The following IL23R variants were observed in gnomAD, a reference collection of about 807,000 sequenced individuals.
IL23R encodes the protein interleukin-23 receptor.
IL23R carries 34 observed loss-of-function variants against 56.9 expected under a neutral mutation model. The ratio of observed to expected loss-of-function variants is 0.60; its 90% CI spans 0.45 to 0.80. The LOEUF (loss-of-function observed/expected upper bound fraction) is 0.80, where lower values mean the gene tolerates loss of function less well. Among genes scored for constraint, IL23R ranks in the 30% least tolerant of loss-of-function variants. IL23R has a pLI of 0.00. For synonymous variants in IL23R, 230 were observed against 249.2 expected, an observed-to-expected ratio of 0.92 and a Z score of 0.73; for missense variants, 635 against 730.0, an observed-to-expected ratio of 0.87 and a Z score of 1.50.
chr1:67,257,999 C>A (rs1395793558), intron 10 of IL23R, among the ~76,000 whole-genome samples: 1 of 151,910 alleles, frequency 6.6e-6, no homozygotes, highest in Non-Finnish European at 1.5e-5. Flanking sequence ...ACCTTTAGAA[C>A]CTCGGCATCA....
intron 7 of IL23R, among the ~76,000 whole-genome samples, chr1:67,228,363 C>CTTTTTTTTTTTTTTTTTT (rs78083258): frequency 2.8e-5 from 3 of 105,784 alleles, no homozygotes; most frequent in Non-Finnish European, 3.6e-5. Flanking sequence ...TTTTTTCTTC[C>CTTTTTTTTTTTTTTTTTT]TTTTTTTTTT....
At chr1:67,242,943 T>C (rs1651946288) in intron 9 of IL23R, among the ~76,000 whole-genome samples, 1 of 152,222 alleles carries the variant, frequency 6.6e-6, no homozygotes, top group Admixed American at 6.5e-5. Context: ...AAGCTTTGAT[T>C]GTTTTCCCAG....
intron 2 of IL23R, among the ~76,000 whole-genome samples, 191 bp downstream of exon 2, chr1:67,168,381 TTCTCAAATTTCCCTTCTAGACAGCCCTC>T (rs1457592003): frequency 6.6e-6 from 1 of 152,230 alleles, no homozygotes; most frequent in Non-Finnish European, 1.5e-5. Flanking sequence ...CAGGATTTCT[TTCTCAAATTTCCCTTCTAGACAGCCCTC>T]TTACTCACAT....
At chr1:67,187,879 A>G (rs1647458785) in intron 4 of IL23R, among the ~76,000 whole-genome samples, 2 of 152,046 alleles carry the variant, frequency 1.3e-5, no homozygotes, top group Admixed American at 6.6e-5. Context: ...CAGCCTGGCC[A>G]ATATGGTGAA....
At chr1:67,185,001 G>A (rs1251610794) in intron 4 of IL23R, among the ~76,000 whole-genome samples, 2 of 152,212 alleles carry the variant, frequency 1.3e-5, no homozygotes, top group Admixed American at 1.3e-4. Context: ...GGTGCTGTCT[G>A]TAAAGCAGAG....
At chr1:67,164,930 G>A (rs1030127770), upstream of IL23R, among the ~76,000 whole-genome samples, 5 of 152,166 alleles carry the variant, frequency 3.3e-5, no homozygotes, top group South Asian at 2.1e-4. Flanking sequence ...ACAATGAGCT[G>A]GGCGTGGTGG....
At chr1:67,228,206 C>G (rs1182085154) in intron 7 of IL23R, among the ~76,000 whole-genome samples, 1 of 142,220 alleles carries the variant, frequency 7.0e-6, no homozygotes, top group East Asian at 2.0e-4. Context: ...TTCCTCCCTT[C>G]TTTTTTAGAC....
intron 8 of IL23R, among the ~76,000 whole-genome samples, chr1:67,238,342 A>G (rs999256480): frequency 5.9e-5 from 1 of 16,818 alleles, no homozygotes; most frequent in African/African-American, 2.5e-4. Flanking sequence ...CTGTCTCAGG[A>G]AAAAAAAAAA....
chr1:67,227,555 A>T (rs1371221426), intron 7 of IL23R, among the ~76,000 whole-genome samples: 2 of 152,170 alleles, frequency 1.3e-5, no homozygotes, highest in Non-Finnish European at 2.9e-5. Context: ...GAAGATGCTC[A>T]TTAATTTTTC....
At chr1:67,188,107 G>A (rs2102597177) in intron 4 of IL23R, among the ~76,000 whole-genome samples, 1 of 152,304 alleles carries the variant, frequency 6.6e-6, no homozygotes, top group African/African-American at 2.4e-5. Flanking sequence ...CACTTAAATA[G>A]ACATGGACTT....
chr1:67,175,889 G>A (rs1199213033), intron 3 of IL23R, among the ~76,000 whole-genome samples: 4 of 152,076 alleles, frequency 2.6e-5, no homozygotes, highest in African/African-American at 9.7e-5. Flanking sequence ...CAGTGTCTTG[G>A]TCATAGCTCA....
chr1:67,156,396 A>G (rs779855716), intron 1 of IL23R, among the ~76,000 whole-genome samples: 1 of 152,216 alleles, frequency 6.6e-6, no homozygotes, highest in Non-Finnish European at 1.5e-5. Context: ...AAGTCTGCTG[A>G]AACTGTGACT....
At chr1:67,242,022 G>C (rs894445853) in intron 9 of IL23R, among the ~76,000 whole-genome samples, 1 of 152,174 alleles carries the variant, frequency 6.6e-6, no homozygotes, top group African/African-American at 2.4e-5. Flanking sequence ...ACTTTCACAA[G>C]AGAATTTAAA....
chr1:67,164,503 A>G (rs981946904), upstream of IL23R, among the ~76,000 whole-genome samples: 4 of 152,088 alleles, frequency 2.6e-5, no homozygotes, highest in African/African-American at 4.8e-5. Context: ...GCATGGTGGC[A>G]CATGTGTAAT....
intron 7 of IL23R, among the ~76,000 whole-genome samples, chr1:67,221,279 C>T (rs892524181): frequency 1.3e-5 from 2 of 152,146 alleles, no homozygotes; most frequent in African/African-American, 4.8e-5. Flanking sequence ...CGAGATCGCG[C>T]CACTGCACTC....
upstream of IL23R, among the ~76,000 whole-genome samples, chr1:67,165,347 A>T (rs191044400): frequency 6.6e-6 from 1 of 152,358 alleles, no homozygotes; most frequent in East Asian, 1.9e-4. Flanking sequence ...AGCCTTGTAC[A>T]CTGCTGTTAG....
chr1:67,218,627 A>G (rs1650031034), intron 6 of IL23R, among the ~76,000 whole-genome samples: 1 of 150,620 alleles, frequency 6.6e-6, no homozygotes, highest in Non-Finnish European at 1.5e-5. Context: ...AATTAAGAAT[A>G]TATTCCAAAA....
At chr1:67,236,997 T>C (rs1237734536) in intron 8 of IL23R, among the ~76,000 whole-genome samples, 195 bp downstream of exon 8, 3 of 152,348 alleles carry the variant, frequency 2.0e-5, no homozygotes, top group African/African-American at 7.2e-5. Context: ...AGGTGGATTT[T>C]GCCGGCTTTT....
chr1:67,165,140 C>T (rs778358725), upstream of IL23R, among the ~76,000 whole-genome samples: 3 of 152,050 alleles, frequency 2.0e-5, no homozygotes, highest in African/African-American at 4.8e-5. Flanking sequence ...GCCCAGGAGG[C>T]AGAGGTTGCA....
Sources: allele counts gnomAD v4.1 joint callset (sites outside exome capture counted in the v4.1 genomes callset), GRCh38; gene constraint gnomAD v4.1.1; transcripts MANE v1.5; gene names NCBI Gene and HGNC (gene_info 2026-07-23, HGNC 2026-07-21).